The following RALY variants were observed in gnomAD, a reference collection of about 807,000 sequenced individuals.
RALY encodes RNA-binding protein Raly.
RALY carries 15 observed loss-of-function variants against 30.7 expected under a neutral mutation model. The observed-to-expected ratio is 0.49, with a 90% CI of 0.33 to 0.75. RALY has a LOEUF of 0.75. Among genes scored for constraint, RALY ranks in the 30% least tolerant of loss-of-function variants. The pLI is 0.02. For missense variants in RALY, 339 were observed against 414.3 expected (o/e 0.82, Z 1.58); for synonymous variants, 177 against 170.8 (o/e 1.04, Z -0.28).
intron 2 of RALY, among the ~76,000 whole-genome samples, chr20:34,056,408 T>G (rs1480261377): frequency 2.0e-5 from 3 of 152,238 alleles, no homozygotes; most frequent in Admixed American, 2.0e-4. Context: ...TAGTTGCTCC[T>G]GTCATAGACC....
At chr20:34,019,236 G>A (rs1601420663) in intron 1 of RALY, among the ~76,000 whole-genome samples, 1 of 152,088 alleles carries the variant, frequency 6.6e-6, no homozygotes, top group Non-Finnish European at 1.5e-5. Context: ...TAAGGCAGGA[G>A]AATTGCTTGA....
At chr20:34,065,256 C>A (rs2033537385) in intron 2 of RALY, 1 of 152,218 alleles carries the variant, frequency 6.6e-6, no homozygotes, top group African/African-American at 2.4e-5. Flanking sequence ...GCTTTCACAT[C>A]AATTAGCCTA....
At chr20:34,056,607 C>G (rs951065903) in intron 2 of RALY, among the ~76,000 whole-genome samples, 6 of 152,144 alleles carry the variant, frequency 3.9e-5, no homozygotes, top group African/African-American at 1.4e-4. Context: ...ATTCCTCTAC[C>G]TAGGAACCTA....
At chr20:33,996,468 A>G (rs1336478181) in intron 1 of RALY, among the ~76,000 whole-genome samples, 2 of 152,188 alleles carry the variant, frequency 1.3e-5, no homozygotes, top group African/African-American at 4.8e-5. Context: ...TCTTAGAGCA[A>G]CCTATGAATT....
At chr20:34,060,469 G>A (rs1317944945) in intron 2 of RALY, among the ~76,000 whole-genome samples, 2 of 152,244 alleles carry the variant, frequency 1.3e-5, no homozygotes, top group African/African-American at 2.4e-5. Flanking sequence ...AGCAGCAGGA[G>A]CTAATATATT....
At chr20:34,032,833 A>G (rs1255530258) in intron 2 of RALY, among the ~76,000 whole-genome samples, 1 of 152,042 alleles carries the variant, frequency 6.6e-6, no homozygotes, top group Non-Finnish European at 1.5e-5. Flanking sequence ...TCCCTCTCTA[A>G]TTCTGATTTT....
At chr20:34,012,683 C>G (rs963833387) in intron 1 of RALY, among the ~76,000 whole-genome samples, 3 of 152,204 alleles carry the variant, frequency 2.0e-5, no homozygotes, top group Admixed American at 6.6e-5. Context: ...GACTAGACAT[C>G]TTGAAACTGT....
At chr20:34,078,300 T>G (rs998617507) in intron 8 of RALY, among the ~76,000 whole-genome samples, 2 of 152,236 alleles carry the variant, frequency 1.3e-5, no homozygotes, top group Non-Finnish European at 2.9e-5. Flanking sequence ...CTGGCCTGTG[T>G]GGGGTCCTCA....
intron 1 of RALY, among the ~76,000 whole-genome samples, chr20:34,001,283 A>T (rs1295980797): frequency 2.0e-5 from 3 of 152,228 alleles, no homozygotes; most frequent in Non-Finnish European, 4.4e-5. Flanking sequence ...ACATTTTAAG[A>T]TTTTCACACA....
chr20:34,005,774 G>A (rs1375620727), intron 1 of RALY, among the ~76,000 whole-genome samples: 3 of 152,222 alleles, frequency 2.0e-5, no homozygotes, highest in Non-Finnish European at 2.9e-5. Context: ...GAGATATGCC[G>A]TGGGCAACCA....
Position 34,077,220 on chromosome 20 carries a change from T to C in RALY, c.851T>C (p.Leu284Pro). The C allele has an allele frequency of 6.2e-7, 1 of 1,613,612 alleles. No homozygotes were observed. Among genetic ancestry groups the C allele is most frequent in the Non-Finnish European group, 8.5e-7 (1 of 1,179,836 alleles). Residue 284 changes from leucine (L) to proline (P), a missense_variant, in exon 8 of 10, where the codon CTC (leucine) becomes CCC (proline). Physicochemically the swap from Leu to Pro is moderately conservative, Grantham distance 98. Transcript: ENST00000246194. ...RTRDDGDEEG[L>P]LTHSEEELEH... ...CGAGACGACGGCGATGAGGAAGGGC[T>C]CCTGACACACAGCGAGGAAGAGCTG...
chr20:34,074,764 T>C (rs2033827377), intron 5 of RALY, among the ~76,000 whole-genome samples: 1 of 152,220 alleles, frequency 6.6e-6, no homozygotes, highest in African/African-American at 2.4e-5. Context: ...GGTTCAGTGA[T>C]TCTGACCAAG....
intron 2 of RALY, among the ~76,000 whole-genome samples, chr20:34,055,609 C>G (rs2033217938): frequency 6.6e-6 from 1 of 152,142 alleles, no homozygotes; most frequent in African/African-American, 2.4e-5. Flanking sequence ...CACAGTCAGT[C>G]TGGGAGGAGA....
intron 2 of RALY, among the ~76,000 whole-genome samples, chr20:34,071,598 G>A (rs1351272103): frequency 4.6e-5 from 7 of 152,098 alleles, no homozygotes. Context: ...TCATCATATG[G>A]TGGTGGTCTA....
intron 1 of RALY, among the ~76,000 whole-genome samples, chr20:34,004,384 C>A (rs1382786818): frequency 1.3e-5 from 2 of 152,184 alleles, no homozygotes; most frequent in African/African-American, 4.8e-5. Context: ...GAAGCAACAC[C>A]CAGTTATCTT....
chr20:34,071,366 C>T (rs913656854), intron 2 of RALY, among the ~76,000 whole-genome samples: 1 of 151,964 alleles, frequency 6.6e-6, no homozygotes, highest in Non-Finnish European at 1.5e-5. Context: ...CAACCTCCAC[C>T]TCCTGGGTTC....
intron 2 of RALY, among the ~76,000 whole-genome samples, chr20:34,063,633 T>C (rs1431318391): frequency 6.6e-6 from 1 of 152,170 alleles, no homozygotes; most frequent in African/African-American, 2.4e-5. Flanking sequence ...CAAGAATAAG[T>C]ATGCATCTAT....
chr20:34,023,155 T>C (rs1019585582), intron 1 of RALY, among the ~76,000 whole-genome samples: 23 of 152,356 alleles, frequency 1.5e-4, no homozygotes, highest in Admixed American at 5.9e-4. Context: ...GGCACTAGTC[T>C]AGGCAGTTTA....
intron 5 of RALY, among the ~76,000 whole-genome samples, chr20:34,074,593 G>A (rs2033823000): frequency 6.6e-6 from 1 of 152,110 alleles, no homozygotes; most frequent in Non-Finnish European, 1.5e-5. Context: ...ACAGTGTGGT[G>A]TAGTGGAAAG....
Sources: allele counts gnomAD v4.1 joint callset (sites outside exome capture counted in the v4.1 genomes callset), GRCh38; gene constraint gnomAD v4.1.1; transcripts MANE v1.5; gene names NCBI Gene and HGNC (gene_info 2026-07-23, HGNC 2026-07-21).